Variants in MYO9B observed in about 807,000 individuals in gnomAD.
MYO9B encodes myosin IXB.
In MYO9B, 71 loss-of-function variants were observed where a neutral mutation model predicts 229.5. The observed-to-expected ratio is 0.31, with a 90% CI of 0.26 to 0.38. MYO9B has a LOEUF of 0.38. Among genes scored for constraint, MYO9B ranks in the 10% least tolerant of loss-of-function variants. The probability of loss-of-function intolerance (pLI) is 1.00; values close to 1 mark genes in which losing one functional copy is unlikely to be tolerated. For synonymous variants in MYO9B, 1,185 were observed against 1,235.8 expected, an observed-to-expected ratio of 0.96 and a Z score of 0.86; for missense variants, 2,255 against 2,920.5, an observed-to-expected ratio of 0.77 and a Z score of 5.25.
intron 1 of MYO9B, among the ~76,000 whole-genome samples, chr19:17,088,843 A>G (rs1301079289): frequency 1.3e-5 from 2 of 151,966 alleles, no homozygotes; most frequent in African/African-American, 2.4e-5. Flanking sequence ...GGTGCATGCC[A>G]CTATGCCCGG....
At chr19:17,152,849 C>T (rs2072494000) in intron 4 of MYO9B, 143 bp downstream of exon 4, 2 of 677,494 alleles carry the variant, frequency 3.0e-6, no homozygotes, top group Non-Finnish European at 5.0e-6. Context: ...GCAGGGCCTG[C>T]CCATCCATCT....
chr19:17,158,380 C>T (rs2072560131), intron 7 of MYO9B, among the ~76,000 whole-genome samples: 1 of 151,720 alleles, frequency 6.6e-6, no homozygotes, highest in African/African-American at 2.4e-5. Flanking sequence ...GAGACCAGTT[C>T]GAGAACTTCA....
intron 2 of MYO9B, among the ~76,000 whole-genome samples, chr19:17,125,478 T>A (rs1356796541): frequency 6.6e-6 from 1 of 152,110 alleles, no homozygotes; most frequent in Admixed American, 6.5e-5. Context: ...TTTAGTGACA[T>A]ATGTAAGATT....
chr19:17,155,818 AG>A (rs1167004587), intron 6 of MYO9B, among the ~76,000 whole-genome samples: 1 of 152,130 alleles, frequency 6.6e-6, no homozygotes, highest in Non-Finnish European at 1.5e-5. Context: ...CACGAGTTCA[AG>A]GCCAGGCTGG....
chr19:17,079,510 G>A (rs1174566531), intron 1 of MYO9B, among the ~76,000 whole-genome samples: 1 of 152,192 alleles, frequency 6.6e-6, no homozygotes, highest in Non-Finnish European at 1.5e-5. Flanking sequence ...TCTCCCAAGA[G>A]CTACTTTGGA....
intron 2 of MYO9B, among the ~76,000 whole-genome samples, chr19:17,108,146 C>T (rs1375190493): frequency 6.6e-6 from 1 of 152,214 alleles, no homozygotes; most frequent in Non-Finnish European, 1.5e-5. Flanking sequence ...ATTAGTCACC[C>T]TCTGTGAGTC....
intron 3 of MYO9B, among the ~76,000 whole-genome samples, chr19:17,148,223 G>A (rs2072437240): frequency 6.6e-6 from 1 of 152,138 alleles, no homozygotes; most frequent in Non-Finnish European, 1.5e-5. Context: ...GCCTCCCTTG[G>A]GGAGAAGCTA....
chr19:17,168,845 T>G (rs2072689158), intron 11 of MYO9B, among the ~76,000 whole-genome samples: 1 of 152,128 alleles, frequency 6.6e-6, no homozygotes, highest in Admixed American at 6.6e-5. Context: ...GGGACCCAGA[T>G]GCTGCTGGGC....
At chr19:17,145,249 C>T (rs2072394709) in intron 2 of MYO9B, 148 bp from the exon 3 acceptor site, 1 of 742,114 alleles carries the variant, frequency 1.3e-6, no homozygotes, top group South Asian at 1.9e-5. Flanking sequence ...TCACTCCAGC[C>T]CAGGTGACAG....
chr19:17,210,608 CCCAGCACACTCA>C, intron 37 of MYO9B, 95 bp from the exon 38 acceptor site: 3 of 1,375,786 alleles, frequency 2.2e-6, no homozygotes, highest in Non-Finnish European at 2.9e-6. Flanking sequence ...TCACTAAGAG[CCCAGCACACTCA>C]CATCACAACT....
chr19:17,141,348 G>A (rs186136804), intron 2 of MYO9B, among the ~76,000 whole-genome samples: 1 of 152,238 alleles, frequency 6.6e-6, no homozygotes, highest in African/African-American at 2.4e-5. Flanking sequence ...GGGTGGCCCA[G>A]CCTCTCAAAT....
intron 7 of MYO9B, among the ~76,000 whole-genome samples, chr19:17,158,974 G>A (rs1247955002): frequency 6.6e-6 from 1 of 152,126 alleles, no homozygotes; most frequent in African/African-American, 2.4e-5. Flanking sequence ...CAGGCAGATC[G>A]CCCAAGGTCA....
Position 17,184,927 on chromosome 19 carries a change from C to T in MYO9B, c.2436C>T (p.Thr812=). ...IISMTLHDRT[T]KSLLHLHKKK... is the part of the protein sequence containing the mutation. ...GCATGACTCTGCACGACCGCACCAC[C>T]AAGTCCCTACTGCACCTGCACAAGA... The change falls in exon 17 of 40, where the codon ACC becomes ACT. Residue 812 remains threonine, a synonymous_variant. Transcript: ENST00000682292. The T allele has an allele frequency of 6.2e-7, 1 of 1,613,964 alleles. No individual in the cohort carries two copies. The highest frequency in any genetic ancestry group is 8.5e-7 in the Non-Finnish European group (1 of 1,179,872).
Position 17,211,722 on chromosome 19 carries a change from G to T in MYO9B, c.6006G>T (p.Ser2002=). 6.2e-7 allele frequency: 1 copy of T among 1,612,958 alleles called. No homozygotes were observed. ...AGGAGAACCTGGACTCGGAGACGTC[G>T]GCCAGCACCGAGAGCCTGCTGGAGG... The part of the protein sequence containing the change: ...SDEENLDSET[S]ASTESLLEER... Residue 2002 remains serine (S), a synonymous_variant, in exon 39 of 40, where the codon TCG becomes TCT. Coordinates refer to ENST00000682292, the MANE Select transcript of MYO9B (RefSeq NM_004145.4).
Position 17,200,845 on chromosome 19 carries a change from GA to G in MYO9B, c.4563+17del. Reference sequence around the variant, plus strand: ...GCTCAACAAGGTGGGATCACTAGGCGAGGGCCAGGGGCATGAGGCCCGGTCC... The same window carrying G: ...GCTCAACAAGGTGGGATCACTAGGCGGGGCCAGGGGCATGAGGCCCGGTCC... On this transcript the variant is annotated intron_variant, in intron 26 of 39. Coordinates refer to ENST00000682292, the MANE Select transcript of MYO9B (RefSeq NM_004145.4). The G allele has an allele frequency of 6.2e-7, 1 of 1,611,464 alleles. No homozygotes were observed. The highest frequency in any genetic ancestry group is 1.1e-5 in the South Asian group (1 of 90,928).
chr19:17,211,872 C>T (rs985546190), intron 39 of MYO9B, 23 bp from the exon 40 acceptor site: 1 of 1,593,490 alleles, frequency 6.3e-7, no homozygotes, highest in Non-Finnish European at 8.6e-7. Flanking sequence ...GCTGCAGTAA[C>T]CCTGCCATCT....
chr19:17,178,729 C>G (rs1429825926), intron 14 of MYO9B, among the ~76,000 whole-genome samples: 1 of 152,050 alleles, frequency 6.6e-6, no homozygotes, highest in Non-Finnish European at 1.5e-5. Flanking sequence ...GGGTAATTAT[C>G]CCCTTAAACT....
intron 2 of MYO9B, among the ~76,000 whole-genome samples, chr19:17,125,873 T>C (rs1422374904): frequency 6.6e-6 from 1 of 152,154 alleles, no homozygotes; most frequent in African/African-American, 2.4e-5. Flanking sequence ...CTTCCTCCTC[T>C]GCGAATAGGG....
chr19:17,137,214 G>A (rs1412854385), intron 2 of MYO9B, among the ~76,000 whole-genome samples: 4 of 140,306 alleles, frequency 2.9e-5, no homozygotes, highest in African/African-American at 1.1e-4. Context: ...GGCAACAAGA[G>A]CAAACTGTCT....
Sources: gnomAD v4.1 joint callset for allele counts (sites outside exome capture counted in the v4.1 genomes callset) on GRCh38, gnomAD v4.1.1 for gene constraint, MANE v1.5 for transcripts, NCBI Gene and HGNC (gene_info 2026-07-23, HGNC 2026-07-21) for gene names.